Variants in DOCK1 observed in about 807,000 individuals in gnomAD.
DOCK1 encodes dedicator of cytokinesis 1.
DOCK1 carries 138 observed loss-of-function variants against 262.7 expected under a neutral mutation model. The ratio of observed to expected loss-of-function variants is 0.53; its 90% CI spans 0.46 to 0.61. DOCK1 has a LOEUF of 0.61. Among genes scored for constraint, DOCK1 ranks in the 20% least tolerant of loss-of-function variants. The pLI is 0.00. For synonymous variants in DOCK1, 866 were observed against 867.4 expected (o/e 1.00, Z 0.03); for missense variants, 1,908 against 2,370.7 (o/e 0.80, Z 4.05).
At chr10:127,286,514 T>C (rs1188032839) in intron 29 of DOCK1, among the ~76,000 whole-genome samples, 7 of 152,208 alleles carry the variant, frequency 4.6e-5, no homozygotes, top group Non-Finnish European at 1.0e-4. Flanking sequence ...TATTATATTA[T>C]GTAGTATATA....
chr10:127,258,021 C>G lies in DOCK1; in HGVS notation c.3044+592C>G, dbSNP rs74575073. On this transcript the variant is annotated intron_variant, in intron 29 of 51. Transcript: ENST00000623213. ...GAACTTTCTGTTCATCTCTGTTTTT[C>G]TTTCTCATTGCAATTTTTATGGAGA... Among the ~76,000 whole-genome samples, 46 of 152,208 alleles carry G rather than the reference C, an allele frequency of 3.0e-4. No individual in the cohort carries two copies. The East Asian group carries it at 7.3e-3, about 24-fold the overall frequency.
At chr10:127,365,764 A>G (rs908541908) in intron 33 of DOCK1, among the ~76,000 whole-genome samples, 1 of 152,168 alleles carries the variant, frequency 6.6e-6, no homozygotes, top group Non-Finnish European at 1.5e-5. Flanking sequence ...GGTAGTTTAA[A>G]AAATCTTACA....
chr10:127,085,280 A>G (rs3740011), intron 23 of DOCK1, among the ~76,000 whole-genome samples: 32,840 of 152,166 alleles, frequency 0.22, 4,972 homozygotes, highest in African/African-American at 0.43. Flanking sequence ...GCCCTCTGGT[A>G]TGTGCCAGGC....
At chr10:126,911,701 A>G (rs933444716) in intron 1 of DOCK1, among the ~76,000 whole-genome samples, 1 of 152,092 alleles carries the variant, frequency 6.6e-6, no homozygotes, top group Non-Finnish European at 1.5e-5. Context: ...TGCGTTTTTA[A>G]GCAGCGATGT....
intron 28 of DOCK1, among the ~76,000 whole-genome samples, chr10:127,256,608 A>G (rs900855661): frequency 2.4e-4 from 37 of 152,130 alleles, no homozygotes; most frequent in African/African-American, 8.7e-4. Flanking sequence ...ATTCTGATAG[A>G]CACATACTGG....
chr10:126,986,905 G>A (rs1039501989), intron 4 of DOCK1, among the ~76,000 whole-genome samples: 5 of 152,056 alleles, frequency 3.3e-5, no homozygotes, highest in Admixed American at 2.6e-4. Context: ...GCGAGACACC[G>A]TTTCAAAAAA....
At chr10:127,273,114 T>C (rs2060628216) in intron 29 of DOCK1, among the ~76,000 whole-genome samples, 1 of 152,236 alleles carries the variant, frequency 6.6e-6, no homozygotes, top group African/African-American at 2.4e-5. Flanking sequence ...CTCACCTTCT[T>C]TTCTTATTCT....
intron 23 of DOCK1, among the ~76,000 whole-genome samples, chr10:127,080,615 C>T (rs532264907): frequency 6.6e-6 from 1 of 152,000 alleles, no homozygotes; most frequent in Non-Finnish European, 1.5e-5. Context: ...CTCATGACAT[C>T]GTGCAGAGCT....
chr10:127,027,458 T>C (rs36000035), intron 16 of DOCK1, among the ~76,000 whole-genome samples: 324 of 152,284 alleles, frequency 2.1e-3, no homozygotes, highest in Non-Finnish European at 3.9e-3. Flanking sequence ...TGTGATGGTA[T>C]ACCTGTAGTC....
intron 33 of DOCK1, among the ~76,000 whole-genome samples, chr10:127,364,461 G>T (rs1023732303): frequency 7.2e-5 from 11 of 152,156 alleles, no homozygotes; most frequent in African/African-American, 1.2e-4. Flanking sequence ...CCACATCCCG[G>T]GTTCAAGTGA....
At chr10:127,243,471 C>T (rs970507481) in intron 27 of DOCK1, among the ~76,000 whole-genome samples, 11 of 152,196 alleles carry the variant, frequency 7.2e-5, no homozygotes, top group Admixed American at 5.9e-4. Context: ...CCAGTTCCAC[C>T]TGCCTTTCCT....
chr10:127,198,256 T>C (rs1225956349), intron 27 of DOCK1, among the ~76,000 whole-genome samples: 1 of 152,264 alleles, frequency 6.6e-6, no homozygotes, highest in East Asian at 1.9e-4. Flanking sequence ...GCATGTTCCC[T>C]TGGGGATGTG....
chr10:126,931,194 T>C (rs1343320880), intron 1 of DOCK1, among the ~76,000 whole-genome samples: 1 of 152,064 alleles, frequency 6.6e-6, no homozygotes, highest in Non-Finnish European at 1.5e-5. Context: ...AACAGTGTGT[T>C]TTCACTGCAA....
intron 29 of DOCK1, among the ~76,000 whole-genome samples, chr10:127,326,000 T>C (rs1329510610): frequency 6.6e-6 from 1 of 152,236 alleles, no homozygotes; most frequent in Non-Finnish European, 1.5e-5. Context: ...GTGTGAAAAG[T>C]ATGTCTTAAA....
intron 23 of DOCK1, among the ~76,000 whole-genome samples, chr10:127,097,966 T>G (rs12781162): frequency 0.23 from 34,414 of 152,144 alleles, 5,528 homozygotes; most frequent in African/African-American, 0.46. Flanking sequence ...CACTCCAAAC[T>G]CAGCTCTGTC....
At chr10:127,177,286 C>G (rs1163426936) in intron 27 of DOCK1, 7 of 152,260 alleles carry the variant, frequency 4.6e-5, no homozygotes, top group Admixed American at 1.3e-4. Flanking sequence ...GTTAATCATG[C>G]AAATTCATCC....
At chr10:127,259,714 A>C (rs1205285653) in intron 29 of DOCK1, among the ~76,000 whole-genome samples, 1 of 151,724 alleles carries the variant, frequency 6.6e-6, no homozygotes, top group Non-Finnish European at 1.5e-5. Flanking sequence ...GGGCTCCCTG[A>C]AGTTGCATTC....
At chr10:127,391,886 G>T (rs1174283653) in intron 38 of DOCK1, among the ~76,000 whole-genome samples, 1 of 151,904 alleles carries the variant, frequency 6.6e-6, no homozygotes, top group Non-Finnish European at 1.5e-5. Context: ...AGTGGCCTCT[G>T]GATCACAGCG....
At chr10:127,410,796 A>C (rs188887855) in intron 42 of DOCK1, 44 bp from the exon 43 acceptor site, 3 of 1,591,300 alleles carry the variant, frequency 1.9e-6, no homozygotes, top group Non-Finnish European at 2.6e-6. Context: ...CAAATTGGCT[A>C]TTTGCCGGGT....
Sources: gnomAD v4.1 joint callset for allele counts (sites outside exome capture counted in the v4.1 genomes callset) on GRCh38, gnomAD v4.1.1 for gene constraint, MANE v1.5 for transcripts, NCBI Gene and HGNC (gene_info 2026-07-23, HGNC 2026-07-21) for gene names.